VSTM4: variants seen among roughly 807,000 people sequenced by gnomAD.
VSTM4 encodes the protein V-set and transmembrane domain containing 4.
Under a neutral mutation model 36.4 loss-of-function variants are expected in VSTM4, and 20 were observed. That is an observed-to-expected ratio of 0.55 (90% CI 0.39 to 0.80). The LOEUF (loss-of-function observed/expected upper bound fraction) is 0.80. VSTM4 is among the 30% of genes least tolerant of loss of function. The pLI is 0.00. For synonymous variants in VSTM4, 182 were observed against 173.9 expected (o/e 1.05, Z -0.37); for missense variants, 392 against 404.5 (o/e 0.97, Z 0.26).
intron 4 of VSTM4, among the ~76,000 whole-genome samples, chr10:49,066,069 T>C (rs1843968041): frequency 6.6e-6 from 1 of 152,212 alleles, no homozygotes. Flanking sequence ...TGGATACCCC[T>C]GGGTACTCTT....
chr10:49,061,348 TG>T (rs1177097245), intron 5 of VSTM4, among the ~76,000 whole-genome samples: 2 of 152,132 alleles, frequency 1.3e-5, no homozygotes, highest in African/African-American at 4.8e-5. Flanking sequence ...AAAAAATAAT[TG>T]TTTTTTTACT....
intron 4 of VSTM4, among the ~76,000 whole-genome samples, chr10:49,067,269 CA>C (rs1374237295): frequency 7.2e-5 from 11 of 152,346 alleles, no homozygotes; most frequent in African/African-American, 2.6e-4. Context: ...TTGAAGACCA[CA>C]ACTTTGCATT....
chr10:49,108,069 G>A lies in VSTM4; in HGVS notation c.56-74C>T, dbSNP rs926297326. On this transcript the variant is annotated intron_variant, in intron 1 of 7. Transcript: ENST00000332853. ...CCTGTGGGCAGTCCACAGTCGAGGA[G>A]CCAGGAAATGCCTCCACGCACTGGG... 5.5e-6 allele frequency: 8 copies of A among 1,463,872 alleles called. No individual in the cohort carries two copies. In the Admixed American group the frequency reaches 1.2e-4, roughly 22 times the overall value. The allele number at this position is 1,463,872 out of a possible 1,614,324, so 90.7% of individuals were successfully genotyped here. A position where few individuals can be genotyped will look rare whatever the true frequency, so the allele number is the denominator to read the frequency against.
chr10:49,052,318 T>G (rs1843711027), intron 5 of VSTM4, among the ~76,000 whole-genome samples: 1 of 152,208 alleles, frequency 6.6e-6, no homozygotes, highest in African/African-American at 2.4e-5. Flanking sequence ...AAGAAAAAGC[T>G]GATTCCTTTT....
intron 5 of VSTM4, among the ~76,000 whole-genome samples, chr10:49,055,049 G>C (rs17782595): frequency 0.091 from 13,921 of 152,222 alleles, 891 homozygotes; most frequent in East Asian, 0.21. Flanking sequence ...TGGGCACAAA[G>C]CTGTCTGTCA....
chr10:49,064,336 C>T lies in VSTM4; in HGVS notation c.668+367G>A, dbSNP rs529419179. The stretch of plus-strand genomic sequence containing the variant: ...CCTCACCAGCTAAAAGCAGGGCATA[C>T]AGTAAGTCAGCATTGGTGAAGAGAA... On this transcript the variant is annotated intron_variant, in intron 5 of 7. Coordinates refer to ENST00000332853, the MANE Select transcript of VSTM4 (RefSeq NM_001031746.5). 2.0e-5 allele frequency: 5 copies of T among 249,032 alleles called. No homozygotes were observed. In the South Asian group the frequency reaches 3.0e-4, roughly 15 times the overall value. The allele number at this position is 249,032 out of a possible 1,614,324, so 15.4% of individuals were successfully genotyped here. A position where few individuals can be genotyped will look rare whatever the true frequency, so the allele number is the denominator to read the frequency against.
intron 2 of VSTM4, 22 bp downstream of exon 2, chr10:49,107,572 C>G: frequency 6.3e-7 from 1 of 1,584,748 alleles, no homozygotes; most frequent in Non-Finnish European, 8.6e-7. Flanking sequence ...CCACCTCTAC[C>G]CAGGGAGACC....
intron 2 of VSTM4, among the ~76,000 whole-genome samples, chr10:49,094,973 G>T (rs190690686): frequency 6.6e-6 from 1 of 152,240 alleles, no homozygotes; most frequent in Non-Finnish European, 1.5e-5. Context: ...GGCAGCAGCC[G>T]ATGAGAAACA....
intron 7 of VSTM4, among the ~76,000 whole-genome samples, chr10:49,023,632 T>G (rs1209306477): frequency 6.6e-6 from 1 of 152,224 alleles, no homozygotes; most frequent in Admixed American, 6.5e-5. Flanking sequence ...ACAAGTTTAC[T>G]GCTATCTTCA....
intron 7 of VSTM4, among the ~76,000 whole-genome samples, chr10:49,040,449 A>AT (rs1406495864): frequency 9.9e-5 from 15 of 151,208 alleles, no homozygotes; most frequent in African/African-American, 3.2e-4. Context: ...TGCCCGGCTA[A>AT]TTTTTTTTGT....
chr10:49,108,949 G>A (rs763989264), intron 1 of VSTM4, among the ~76,000 whole-genome samples: 9 of 152,138 alleles, frequency 5.9e-5, no homozygotes, highest in South Asian at 4.2e-4. Flanking sequence ...TGCCCAGTGC[G>A]ACCAGGCTGC....
chr10:49,102,611 A>G, intron 2 of VSTM4: 1 of 985,420 alleles, frequency 1.0e-6, no homozygotes, highest in Non-Finnish European at 1.2e-6. Context: ...GGAAGATGAA[A>G]GCTGGATGTG....
intron 3 of VSTM4, among the ~76,000 whole-genome samples, chr10:49,081,762 T>G (rs2131996549): frequency 6.6e-6 from 1 of 152,280 alleles, no homozygotes. Flanking sequence ...AGCGGGCACC[T>G]CCTGCCTGCG....
intron 5 of VSTM4, among the ~76,000 whole-genome samples, chr10:49,063,665 G>T (rs1005655023): frequency 6.6e-6 from 1 of 152,228 alleles, no homozygotes; most frequent in Non-Finnish European, 1.5e-5. Context: ...TGCTGGTGCT[G>T]CCAGAGGGGA....
intron 4 of VSTM4, among the ~76,000 whole-genome samples, chr10:49,073,713 C>G (rs1844123650): frequency 6.6e-6 from 1 of 152,158 alleles, no homozygotes; most frequent in African/African-American, 2.4e-5. Flanking sequence ...CAATCCTTGA[C>G]CATTGATAGG....
chr10:49,045,363 G>A (rs1038839705), intron 7 of VSTM4, among the ~76,000 whole-genome samples: 2 of 151,994 alleles, frequency 1.3e-5, no homozygotes, highest in African/African-American at 4.8e-5. Flanking sequence ...TGAAAAAAGG[G>A]GGCCATTTTC....
intron 6 of VSTM4, among the ~76,000 whole-genome samples, chr10:49,048,031 T>C (rs1212082520): frequency 6.6e-6 from 1 of 152,222 alleles, no homozygotes; most frequent in African/African-American, 2.4e-5. Flanking sequence ...AGCCGTCATT[T>C]TATACCCAGA....
chr10:49,048,660 A>G, intron 5 of VSTM4, 76 bp from the exon 6 acceptor site: 2 of 1,193,176 alleles, frequency 1.7e-6, no homozygotes, highest in Non-Finnish European at 2.4e-6. Flanking sequence ...AAAACCCACA[A>G]TAGCTTCCAA....
chr10:49,107,923 G>A lies in VSTM4; in HGVS notation c.128C>T (p.Thr43Ile), dbSNP rs749933049. The A allele has an allele frequency of 1.2e-6, 2 of 1,613,474 alleles. No individual in the cohort carries two copies. The highest frequency in any genetic ancestry group is 3.3e-5 in the Admixed American group (2 of 59,956). The part of the protein sequence containing the change: ...VVDYLEGENA[T>I]LLCHVSQKRR... Reference sequence around the variant, plus strand: ...TTTCTGGGAGACGTGGCAGAGGAGAGTGGCATTCTCCCCCTCCAGGTAGTC... The same window carrying A: ...TTTCTGGGAGACGTGGCAGAGGAGAATGGCATTCTCCCCCTCCAGGTAGTC... The change falls in exon 2 of 8, where the codon ACT becomes ATT. Residue 43 changes from threonine (T) to isoleucine (I), a missense_variant. Transcript: ENST00000332853.
Sources: allele counts gnomAD v4.1 joint callset (sites outside exome capture counted in the v4.1 genomes callset), GRCh38; gene constraint gnomAD v4.1.1; transcripts MANE v1.5; gene names NCBI Gene and HGNC (gene_info 2026-07-23, HGNC 2026-07-21).